The following PRKN variants were observed in gnomAD, a reference collection of about 807,000 sequenced individuals.
PRKN encodes E3 ubiquitin-protein ligase parkin.
In PRKN, 56 loss-of-function variants were observed where a neutral mutation model predicts 59.5. The ratio of observed to expected loss-of-function variants is 0.94; its 90% CI spans 0.76 to 1.18. The LOEUF (loss-of-function observed/expected upper bound fraction) is 1.18, where lower values mean the gene tolerates loss of function less well. Ranked by LOEUF, PRKN falls within the 50% of genes most tolerant of loss-of-function variation. The probability of loss-of-function intolerance (pLI) is 0.00; values close to 1 mark genes in which losing one functional copy is unlikely to be tolerated. For missense variants in PRKN, 657 were observed against 596.4 expected, an observed-to-expected ratio of 1.10 and a Z score of -1.06; for synonymous variants, 250 against 222.1, an observed-to-expected ratio of 1.13 and a Z score of -1.12.
At chr6:162,121,345 T>G (rs1780907899) in intron 4 of PRKN, among the ~76,000 whole-genome samples, 1 of 152,174 alleles carries the variant, frequency 6.6e-6, no homozygotes, top group African/African-American at 2.4e-5. Flanking sequence ...TCTTGGGGGT[T>G]GAATGCTTCC....
At chr6:162,454,472 C>T (rs1009707532) in intron 1 of PRKN, among the ~76,000 whole-genome samples, 1 of 152,176 alleles carries the variant, frequency 6.6e-6, no homozygotes, top group Non-Finnish European at 1.5e-5. Context: ...AGACCATTTA[C>T]TATTCCTATT....
chr6:162,413,882 C>T (rs772988404), intron 2 of PRKN, among the ~76,000 whole-genome samples: 38 of 152,100 alleles, frequency 2.5e-4, no homozygotes, highest in Non-Finnish European at 4.6e-4. Context: ...CAATGTCAAA[C>T]TCAAGATTGC....
rs944691600 is a variant in PRKN at position 161,361,301 on chromosome 6, T to C, written c.1168-1096A>G. Among the ~76,000 whole-genome samples the C allele has an allele frequency of 6.6e-6, 1 of 152,336 alleles. No homozygotes were observed. Among genetic ancestry groups the C allele is most frequent in the East Asian group, 1.9e-4 (1 of 5,190 alleles). ...ACTGTACTGCATTTAATAGTTTCTT[T>C]AGGAATTAGTGTTCATGTTTCTGTT... On this transcript the variant is annotated intron_variant, in intron 10 of 11. Transcript: ENST00000366898. The surrounding 1 kb of genome is among the most constrained non-coding windows in gnomAD (Gnocchi z 5.2).
chr6:161,942,297 G>A (rs1333047712), intron 6 of PRKN, among the ~76,000 whole-genome samples: 2 of 152,096 alleles, frequency 1.3e-5, no homozygotes, highest in African/African-American at 2.4e-5. Flanking sequence ...TTGGGAGGCC[G>A]AGGCAGGTGG....
At chr6:162,137,114 G>A (rs1781587820) in intron 4 of PRKN, among the ~76,000 whole-genome samples, 1 of 152,040 alleles carries the variant, frequency 6.6e-6, no homozygotes, top group South Asian at 2.1e-4. Context: ...ATAGTAACAT[G>A]ACTATCAAAG....
chr6:161,809,066 C>G (rs1791454743), intron 6 of PRKN, among the ~76,000 whole-genome samples: 1 of 152,150 alleles, frequency 6.6e-6, no homozygotes, highest in Non-Finnish European at 1.5e-5. Flanking sequence ...ATCTCAAACT[C>G]CTGGGCTCAG....
At chr6:162,333,070 T>C (rs1296852942) in intron 2 of PRKN, among the ~76,000 whole-genome samples, 1 of 152,202 alleles carries the variant, frequency 6.6e-6, no homozygotes, top group Non-Finnish European at 1.5e-5. Context: ...TTCCATAGTT[T>C]AAAGAAATAT....
chr6:162,252,050 T>C lies in PRKN; in HGVS notation c.412+10475A>G, dbSNP rs6455805. ...ATTTTCTCTTGTGAGAATTCTAAAA[T>C]AATTCCCTATCAGTTTAAAGTAAGA... On this transcript the variant is annotated intron_variant, in intron 3 of 11. Transcript: ENST00000366898. Among the ~76,000 whole-genome samples the C allele has an allele frequency of 5.5e-3, 842 of 152,300 alleles. 8 individuals are homozygous for C. The highest frequency in any genetic ancestry group is 0.019 in the African/African-American group (803 of 41,582).
chr6:162,355,594 G>A (rs1324069914), intron 2 of PRKN, among the ~76,000 whole-genome samples: 1 of 151,808 alleles, frequency 6.6e-6, no homozygotes, highest in African/African-American at 2.4e-5. Flanking sequence ...AGCTGTAGTA[G>A]CAAGAAGAAA....
intron 1 of PRKN, among the ~76,000 whole-genome samples, chr6:162,602,724 T>C (rs928217560): frequency 6.6e-6 from 1 of 152,194 alleles, no homozygotes; most frequent in Non-Finnish European, 1.5e-5. Context: ...CATTTTCACA[T>C]GCAAACAAAC....
chr6:161,637,723 A>C (rs1252459549), intron 7 of PRKN, among the ~76,000 whole-genome samples: 1 of 152,228 alleles, frequency 6.6e-6, no homozygotes, highest in Non-Finnish European at 1.5e-5. Flanking sequence ...AAAAAAAAAA[A>C]AAAAAACTTA....
chr6:162,408,372 C>T lies in PRKN; in HGVS notation c.171+34938G>A, dbSNP rs111837233. On this transcript the variant is annotated intron_variant, in intron 2 of 11. Transcript: ENST00000366898. ...CAGAAGAATGTCTGTCAAAGTTGTA[C>T]CAAGAACATTTTGAAAATACAGGTT... Among the ~76,000 whole-genome samples the T allele has an allele frequency of 3.6e-3, 550 of 151,914 alleles. 1 individual carries two copies. Among genetic ancestry groups the T allele is most frequent in the Non-Finnish European group, 6.5e-3 (444 of 67,966 alleles).
At chr6:162,216,402 C>A (rs1002581235) in intron 3 of PRKN, among the ~76,000 whole-genome samples, 1 of 151,014 alleles carries the variant, frequency 6.6e-6, no homozygotes, top group South Asian at 2.1e-4. Context: ...CGGTGGCGGG[C>A]GCCTGTAGTC....
At chr6:161,958,951 G>A (rs1264101459) in intron 6 of PRKN, among the ~76,000 whole-genome samples, 1 of 152,044 alleles carries the variant, frequency 6.6e-6, no homozygotes, top group East Asian at 1.9e-4. Context: ...AGTTAACATA[G>A]TTGAATCTGA....
intron 4 of PRKN, among the ~76,000 whole-genome samples, chr6:162,116,224 AT>A (rs1266804689): frequency 6.6e-6 from 1 of 152,194 alleles, no homozygotes; most frequent in Admixed American, 6.5e-5. Context: ...GTAAAATTTG[AT>A]TAATAAACTG....
intron 5 of PRKN, among the ~76,000 whole-genome samples, chr6:162,006,968 A>G (rs1485931652): frequency 6.6e-6 from 1 of 152,156 alleles, no homozygotes; most frequent in Non-Finnish European, 1.5e-5. Context: ...TTCATTATCT[A>G]TATATACAGT....
At position 161,951,877 on chromosome 6, in the gene PRKN, G is replaced by A. The variant is rs185510220; in HGVS notation, c.734+21425C>T. 1.8e-3 allele frequency among the ~76,000 whole-genome samples: 266 copies of A among 150,772 alleles called. 1 individual carries two copies. Among genetic ancestry groups the A allele is most frequent in the African/African-American group, 6.1e-3 (252 of 40,996 alleles). Reference sequence around the variant, plus strand: ...GCGGAGATTACAGTGAGCCAAGATCGAGCCACTGCCAGCCTGGGCAACAGA... The same window carrying A: ...GCGGAGATTACAGTGAGCCAAGATCAAGCCACTGCCAGCCTGGGCAACAGA... On this transcript the variant is annotated intron_variant, in intron 6 of 11. Coordinates refer to ENST00000366898, the MANE Select transcript of PRKN (RefSeq NM_004562.3).
chr6:162,646,556 T>C (rs1028899378), intron 1 of PRKN, among the ~76,000 whole-genome samples: 1 of 152,142 alleles, frequency 6.6e-6, no homozygotes. Flanking sequence ...ACTGCTTGGA[T>C]TACAGGCATG....
At chr6:162,011,443 TTATAATATATA>T (rs1782697243) in intron 5 of PRKN, among the ~76,000 whole-genome samples, 1 of 20,850 alleles carries the variant, frequency 4.8e-5, no homozygotes, top group Non-Finnish European at 6.2e-5. Flanking sequence ...TGTTATATAT[TTATAATATATA>T]ATATATATAT....
Sources: allele counts gnomAD v4.1 joint callset (sites outside exome capture counted in the v4.1 genomes callset), GRCh38; gene constraint gnomAD v4.1.1; non-coding constraint Gnocchi (gnomAD v3.1); transcripts MANE v1.5; gene names NCBI Gene and HGNC (gene_info 2026-07-23, HGNC 2026-07-21).